The following RIMS2 variants were observed in gnomAD, a reference collection of about 807,000 sequenced individuals.
The protein encoded by RIMS2 is regulating synaptic membrane exocytosis 2.
In RIMS2, 59 loss-of-function variants were observed where a neutral mutation model predicts 174.4. The ratio of observed to expected loss-of-function variants is 0.34; its 90% CI spans 0.27 to 0.42. RIMS2 has a LOEUF of 0.42. Ranked by LOEUF, RIMS2 falls within the 10% of genes least tolerant of loss-of-function variation. The pLI, the probability that RIMS2 is intolerant of heterozygous loss-of-function variation, is 1.00. For missense variants in RIMS2, 1,620 were observed against 1,666.3 expected (o/e 0.97, Z 0.48); for synonymous variants, 606 against 572.5 (o/e 1.06, Z -0.84).
At chr8:104,212,951 T>A (rs771582445) in intron 19 of RIMS2, among the ~76,000 whole-genome samples, 1 of 152,144 alleles carries the variant, frequency 6.6e-6, no homozygotes, top group East Asian at 1.9e-4. Flanking sequence ...ACCTGTAAGA[T>A]CTTTAACTCA....
chr8:104,079,310 T>A (rs2154562894), intron 19 of RIMS2, among the ~76,000 whole-genome samples: 1 of 152,132 alleles, frequency 6.6e-6, no homozygotes, highest in East Asian at 1.9e-4. Context: ...AGTACCCTCC[T>A]GTAATTACCT....
chr8:103,671,477 A>C (rs2096743353), intron 1 of RIMS2, among the ~76,000 whole-genome samples: 1 of 152,228 alleles, frequency 6.6e-6, no homozygotes, highest in African/African-American at 2.4e-5. Context: ...TCATTGGAGT[A>C]CTAGGAATCC....
chr8:103,710,827 T>A (rs2137933548), intron 2 of RIMS2, among the ~76,000 whole-genome samples: 1 of 152,298 alleles, frequency 6.6e-6, no homozygotes, highest in African/African-American at 2.4e-5. Context: ...AAGTGATTTT[T>A]AAAAATTTTA....
chr8:103,735,257 A>T (rs2097671320), intron 2 of RIMS2, among the ~76,000 whole-genome samples: 1 of 152,176 alleles, frequency 6.6e-6, no homozygotes, highest in Admixed American at 6.5e-5. Flanking sequence ...CAGAAAACTG[A>T]TTTTGTAGTT....
intron 1 of RIMS2, among the ~76,000 whole-genome samples, chr8:103,608,037 C>T (rs574019848): frequency 1.7e-4 from 25 of 148,454 alleles, no homozygotes; most frequent in African/African-American, 5.6e-4. Context: ...TGTTCCGTTG[C>T]TGGTGAGGAA....
At chr8:104,189,531 T>G (rs1017685312) in intron 19 of RIMS2, among the ~76,000 whole-genome samples, 3 of 150,584 alleles carry the variant, frequency 2.0e-5, no homozygotes, top group Non-Finnish European at 4.4e-5. Flanking sequence ...TCTGGAAAGT[T>G]TATCTAAACT....
intron 3 of RIMS2, among the ~76,000 whole-genome samples, chr8:103,812,582 A>G (rs532747553): frequency 1.3e-5 from 2 of 152,178 alleles, no homozygotes; most frequent in African/African-American, 4.8e-5. Flanking sequence ...AGGTTTCATC[A>G]TGTTGGCCAG....
At chr8:103,515,131 A>T (rs1828397304) in intron 1 of RIMS2, among the ~76,000 whole-genome samples, 2 of 152,158 alleles carry the variant, frequency 1.3e-5, no homozygotes, top group African/African-American at 2.4e-5. Flanking sequence ...TGGTATTCTA[A>T]TCCATTTGAA....
chr8:103,847,343 C>T (rs944100301), intron 3 of RIMS2, among the ~76,000 whole-genome samples: 10 of 151,974 alleles, frequency 6.6e-5, no homozygotes, highest in East Asian at 3.9e-4. Flanking sequence ...GGATAGTGTC[C>T]GGTCCTGCAA....
intron 1 of RIMS2, among the ~76,000 whole-genome samples, chr8:103,669,189 T>C (rs552154552): frequency 1.3e-5 from 2 of 152,252 alleles, no homozygotes; most frequent in East Asian, 3.9e-4. Flanking sequence ...CATGCGAAAG[T>C]GTTTCCCCTT....
At chr8:103,970,079 A>G (rs1460856227) in intron 15 of RIMS2, among the ~76,000 whole-genome samples, 1 of 152,024 alleles carries the variant, frequency 6.6e-6, no homozygotes, top group East Asian at 1.9e-4. Context: ...TAATTTTTTT[A>G]TTGATAGGCA....
chr8:104,116,868 T>C (rs1566506932), intron 19 of RIMS2, among the ~76,000 whole-genome samples: 1 of 152,192 alleles, frequency 6.6e-6, no homozygotes, highest in Non-Finnish European at 1.5e-5. Context: ...TTTTTAATGA[T>C]AAAGAGCTTT....
chr8:103,880,574 C>T (rs2099162341), intron 3 of RIMS2: 1 of 431,968 alleles, frequency 2.3e-6, no homozygotes, highest in South Asian at 5.8e-5. Flanking sequence ...AAGGATGGCT[C>T]CTATGATTTT....
At chr8:103,611,893 T>G (rs1200981322) in intron 1 of RIMS2, among the ~76,000 whole-genome samples, 1 of 152,146 alleles carries the variant, frequency 6.6e-6, no homozygotes, top group African/African-American at 2.4e-5. Context: ...TACCTCTTCT[T>G]TAAGGCCAAT....
intron 19 of RIMS2, among the ~76,000 whole-genome samples, 161 bp from the exon 22 acceptor site, chr8:104,041,165 G>A (rs574779090): frequency 6.6e-6 from 1 of 151,510 alleles, no homozygotes; most frequent in Non-Finnish European, 1.5e-5. Flanking sequence ...CGTATTTTTT[G>A]TGGAATGCAT....
At chr8:103,741,178 G>A (rs1292458171) in intron 2 of RIMS2, among the ~76,000 whole-genome samples, 1 of 151,912 alleles carries the variant, frequency 6.6e-6, no homozygotes, top group Non-Finnish European at 1.5e-5. Context: ...TTCATTTCTT[G>A]ATGAGACAAA....
intron 1 of RIMS2, among the ~76,000 whole-genome samples, chr8:103,553,932 A>ACAAAGT (rs904061010): frequency 7.6e-6 from 1 of 132,196 alleles, no homozygotes; most frequent in African/African-American, 3.1e-5. Flanking sequence ...GACAAACTCA[A>ACAAAGT]CAAAGTCTAG....
intron 1 of RIMS2, chr8:103,559,195 CTTAT>C (rs557310083): frequency 3.9e-5 from 8 of 202,752 alleles, no homozygotes; most frequent in Non-Finnish European, 7.0e-5. Flanking sequence ...CCATTATCTT[CTTAT>C]TTCTCTTCCT....
rs72683184 is a variant in RIMS2 at position 104,064,741 on chromosome 8, A to G, written c.3334+50126A>G. On this transcript the variant is annotated intron_variant, in intron 19 of 23. Transcript: ENST00000504942. The stretch of plus-strand genomic sequence containing the variant: ...ATATTAGTTTAATACATTATACATT[A>G]ACAGATTATCACATTAATATATATT... Among the ~76,000 whole-genome samples, 385 of 152,178 alleles carry G rather than the reference A, an allele frequency of 2.5e-3. 1 individual carries two copies. The highest frequency in any genetic ancestry group is 4.0e-3 in the Non-Finnish European group (270 of 67,926).
Sources: gnomAD v4.1 joint callset for allele counts (sites outside exome capture counted in the v4.1 genomes callset) on GRCh38, gnomAD v4.1.1 for gene constraint, MANE v1.5 for transcripts, NCBI Gene and HGNC (gene_info 2026-07-23, HGNC 2026-07-21) for gene names.